The following TUSC3 variants were observed in gnomAD, a reference collection of about 807,000 sequenced individuals.
TUSC3 encodes dolichyl-diphosphooligosaccharide--protein glycosyltransferase subunit TUSC3.
TUSC3 carries 45 observed loss-of-function variants against 44.8 expected under a neutral mutation model. The ratio of observed to expected loss-of-function variants is 1.00; its 90% confidence interval spans 0.79 to 1.29. The LOEUF is 1.29. Ranked by LOEUF, TUSC3 falls within the 50% of genes most tolerant of loss-of-function variation. TUSC3 has a pLI of 0.00. For missense variants in TUSC3, 519 were observed against 437.9 expected (o/e 1.19, Z -1.65); for synonymous variants, 212 against 152.9 (o/e 1.39, Z -2.85).
chr8:15,507,708 C>T (rs192715821), intron 2 of TUSC3, among the ~76,000 whole-genome samples: 3 of 151,852 alleles, frequency 2.0e-5, no homozygotes, highest in Non-Finnish European at 4.4e-5. Flanking sequence ...GTATTGAGAA[C>T]TTGATAGGTA....
chr8:15,479,712 G>T (rs1800632455), intron 1 of TUSC3, among the ~76,000 whole-genome samples: 1 of 152,168 alleles, frequency 6.6e-6, no homozygotes. Flanking sequence ...AAGTCAGACA[G>T]CATAATGCCT....
At chr8:15,806,846 A>T in the TUSC3 span, 1 of 993,978 alleles carries the variant, frequency 1.0e-6, no homozygotes, top group Non-Finnish European at 1.6e-6. Context: ...GTAAACGTCT[A>T]GAGTCTTCAT....
intron 1 of TUSC3, among the ~76,000 whole-genome samples, chr8:15,563,984 G>A (rs1268783734): frequency 6.6e-6 from 1 of 152,032 alleles, no homozygotes; most frequent in Non-Finnish European, 1.5e-5. Flanking sequence ...CAATTGTTTG[G>A]TGGGACATAC....
At chr8:15,757,266 G>C (rs144496273) in intron 9 of TUSC3, among the ~76,000 whole-genome samples, 1 of 152,078 alleles carries the variant, frequency 6.6e-6, no homozygotes, top group South Asian at 2.1e-4. Flanking sequence ...GTCTTAAAAC[G>C]AAACTGATAG....
upstream of TUSC3, chr8:15,540,241 C>A (rs573872013): frequency 1.2e-6 from 1 of 809,392 alleles, no homozygotes; most frequent in African/African-American, 1.8e-5. Flanking sequence ...AGGTCTTCTC[C>A]CGGTGAACCG....
At chr8:15,448,691 C>G (rs1264326843) in intron 1 of TUSC3, among the ~76,000 whole-genome samples, 1 of 152,032 alleles carries the variant, frequency 6.6e-6, no homozygotes, top group East Asian at 1.9e-4. Flanking sequence ...AATTATTAGA[C>G]AAGTGTTAAA....
intron 1 of TUSC3, among the ~76,000 whole-genome samples, chr8:15,421,238 C>G (rs968429036): frequency 7.9e-5 from 12 of 152,190 alleles, no homozygotes; most frequent in Admixed American, 7.9e-4. Context: ...TCCCCCTCAT[C>G]TCATTCAAAG....
At chr8:15,464,972 C>A (rs1800395248) in intron 1 of TUSC3, among the ~76,000 whole-genome samples, 1 of 152,152 alleles carries the variant, frequency 6.6e-6, no homozygotes, top group Admixed American at 6.5e-5. Context: ...GCCTCAGCCT[C>A]CCAAGTAGGT....
intron 6 of TUSC3, among the ~76,000 whole-genome samples, chr8:15,684,526 G>A (rs529986489): frequency 1.3e-5 from 2 of 152,268 alleles, no homozygotes; most frequent in South Asian, 4.1e-4. Flanking sequence ...TAAGCCTTCT[G>A]CACCTAGATC....
At chr8:15,457,127 T>G (rs1214036184) in intron 1 of TUSC3, among the ~76,000 whole-genome samples, 1 of 126,446 alleles carries the variant, frequency 7.9e-6, no homozygotes, top group Non-Finnish European at 1.6e-5. Context: ...TGAGAACACA[T>G]GGACACAGGA....
chr8:15,573,168 T>TTCTCTCTCTC (rs1554516638), intron 1 of TUSC3, among the ~76,000 whole-genome samples: 5 of 85,558 alleles, frequency 5.8e-5, no homozygotes, highest in East Asian at 3.4e-4. Context: ...TTCTCTCTCT[T>TTCTCTCTCTC]TCTCTCTCTC....
chr8:15,755,912 T>C (rs909652072), intron 9 of TUSC3, among the ~76,000 whole-genome samples: 1 of 151,972 alleles, frequency 6.6e-6, no homozygotes, highest in African/African-American at 2.4e-5. Flanking sequence ...CTTATCAATA[T>C]TTTTCACTGG....
At chr8:15,704,964 C>T (rs1809558893) in intron 6 of TUSC3, among the ~76,000 whole-genome samples, 3 of 151,034 alleles carry the variant, frequency 2.0e-5, no homozygotes, top group South Asian at 4.2e-4. Context: ...AAAAAATAGT[C>T]CTTATTATTT....
intron 2 of TUSC3, among the ~76,000 whole-genome samples, chr8:15,520,868 G>A (rs1013957324): frequency 3.9e-5 from 6 of 152,162 alleles, no homozygotes; most frequent in Admixed American, 3.3e-4. Flanking sequence ...TAGTCTCAGC[G>A]GGAGAAATAG....
intron 1 of TUSC3, among the ~76,000 whole-genome samples, chr8:15,555,653 A>C (rs1291687719): frequency 6.6e-6 from 1 of 151,620 alleles, no homozygotes; most frequent in Non-Finnish European, 1.5e-5. Flanking sequence ...GAAGGTCTCA[A>C]ACCAATTTCC....
chr8:15,693,020 C>A (rs996904438), intron 6 of TUSC3, among the ~76,000 whole-genome samples: 3 of 152,164 alleles, frequency 2.0e-5, no homozygotes, highest in Non-Finnish European at 4.4e-5. Flanking sequence ...GATTTTCCTC[C>A]ATCTCTTCAC....
intron 8 of TUSC3, among the ~76,000 whole-genome samples, chr8:15,743,891 G>C (rs112935666): frequency 6.6e-6 from 1 of 152,140 alleles, no homozygotes; most frequent in African/African-American, 2.4e-5. Context: ...TGAAGCCATA[G>C]TCTTGGTTGT....
At chr8:15,791,888 A>G in the TUSC3 span, among the ~76,000 whole-genome samples, 3 of 152,314 alleles carry the variant, frequency 2.0e-5, no homozygotes, top group East Asian at 5.8e-4. Context: ...AGGTCATCCA[A>G]GAGGCCAACC....
intron 1 of TUSC3, among the ~76,000 whole-genome samples, chr8:15,618,355 T>C (rs1213690382): frequency 6.6e-6 from 1 of 152,216 alleles, no homozygotes; most frequent in Non-Finnish European, 1.5e-5. Context: ...TACAAACACA[T>C]TTTACAGCTG....
Sources: gnomAD v4.1 joint callset for allele counts (sites outside exome capture counted in the v4.1 genomes callset) on GRCh38, gnomAD v4.1.1 for gene constraint, MANE v1.5 for transcripts, NCBI Gene and HGNC (gene_info 2026-07-23, HGNC 2026-07-21) for gene names.